The following SERPINB12 variants were observed in gnomAD, a reference collection of about 807,000 sequenced individuals.
The protein encoded by SERPINB12 is serpin B12.
Under a neutral mutation model 41.1 loss-of-function variants are expected in SERPINB12, and 57 were observed. That is an observed-to-expected ratio of 1.39 (90% CI 1.12 to 1.73). SERPINB12 has a LOEUF of 1.73. Among genes scored for constraint, SERPINB12 ranks in the 40% most tolerant of loss-of-function variants. The pLI, the probability that SERPINB12 is intolerant of heterozygous loss-of-function variation, is 0.00. For synonymous variants in SERPINB12, 180 were observed against 181.3 expected, an observed-to-expected ratio of 0.99 and a Z score of 0.06; for missense variants, 536 against 501.9, an observed-to-expected ratio of 1.07 and a Z score of -0.65.
At chr18:63,532,735 G>C in the SERPINB12 span, among the ~76,000 whole-genome samples, 1 of 152,020 alleles carries the variant, frequency 6.6e-6, no homozygotes, top group Non-Finnish European at 1.5e-5. Context: ...AACCTCTCAG[G>C]GTGTGTCCAC....
the SERPINB12 span, among the ~76,000 whole-genome samples, chr18:63,532,346 A>T: frequency 6.6e-6 from 1 of 152,232 alleles, no homozygotes; most frequent in Admixed American, 6.5e-5. Context: ...CATCTAGAGA[A>T]GGCCACGTAG....
chr18:63,525,794 G>A, the SERPINB12 span, among the ~76,000 whole-genome samples: 1 of 152,060 alleles, frequency 6.6e-6, no homozygotes, highest in Non-Finnish European at 1.5e-5. Flanking sequence ...TGATTTTATA[G>A]CCTGTAAATA....
At chr18:63,544,589 C>T (rs1260516277) in intron 1 of SERPINB12, among the ~76,000 whole-genome samples, 34 of 152,104 alleles carry the variant, frequency 2.2e-4, no homozygotes, top group Non-Finnish European at 4.4e-5. Flanking sequence ...CATAGCTTTG[C>T]CTGTCTTTGA....
At position 63,568,896 on chromosome 18, in the gene SERPINB12, G is replaced by C. The variant is rs558599066; in HGVS notation, c.*1885G>C. Among the ~76,000 whole-genome samples the C allele has an allele frequency of 1.8e-4, 27 of 152,246 alleles. No individual in the cohort carries two copies. Among genetic ancestry groups the C allele is most frequent in the African/African-American group, 6.3e-4 (26 of 41,538 alleles). On this transcript the variant is annotated 3_prime_UTR_variant, in exon 8 of 8. Coordinates refer to ENST00000382768, the MANE Select transcript of SERPINB12 (RefSeq NM_001307928.2). ...TTACGACCTAAAACAATTTGACGTT[G>C]GTAACGTGAGGCAGTTTGAGGCAGT...
rs181631827 is a variant in SERPINB12 at position 63,551,071 on chromosome 18, T to C, written c.-18-5071T>C. 6.4e-3 allele frequency among the ~76,000 whole-genome samples: 973 copies of C among 151,998 alleles called. 10 individuals carry two copies. The highest frequency in any genetic ancestry group is 0.022 in the African/African-American group (932 of 41,486). On this transcript the variant is annotated intron_variant, in intron 1 of 7. Transcript: ENST00000382768. ...GATCACGAGGTCAGGAGATCGAGAC[T>C]ATCCTGCCTAACACGGTGAAACCCT... is the stretch of plus-strand genomic sequence containing the variant.
chr18:63,548,164 A>T (rs1910432811), intron 1 of SERPINB12, among the ~76,000 whole-genome samples: 1 of 152,156 alleles, frequency 6.6e-6, no homozygotes, highest in Non-Finnish European at 1.5e-5. Context: ...GAGAGGTTGG[A>T]GGAAAGTGGA....
Position 63,565,332 on chromosome 18 carries a change from C to T in SERPINB12, c.706-113C>T, listed in dbSNP as rs1599429133. 1.2e-5 allele frequency: 12 copies of T among 971,816 alleles called. No homozygotes were observed. The South Asian group carries it at 1.4e-4, about 11-fold the overall frequency. The allele number at this position is 971,816 out of a possible 1,614,324, so 60.2% of individuals were successfully genotyped here. ...GGATCCCTGGTGTGGCTCAGGACTT[C>T]TCCTGCAGAACCTTCTCATCTTTAG... On this transcript the variant is annotated intron_variant, in intron 6 of 7. Transcript: ENST00000382768.
At chr18:63,559,795 A>T in intron 4 of SERPINB12, 77 bp downstream of exon 4, 1 of 1,451,996 alleles carries the variant, frequency 6.9e-7, no homozygotes, top group Non-Finnish European at 9.5e-7. Flanking sequence ...TGGGTTACTC[A>T]CCTGCCATCT....
rs1911216261 is a variant in SERPINB12 at position 63,569,177 on chromosome 18, G to A, written c.*2166G>A. 6.6e-6 allele frequency among the ~76,000 whole-genome samples: 1 copy of A among 151,924 alleles called. No homozygotes were observed. The highest frequency in any genetic ancestry group is 1.5e-5 in the Non-Finnish European group (1 of 67,994). ...ACATCGGGATTTCTCAGATTTTGAA[G>A]CATGAGAGGGAGAATGTATCTATTT... On this transcript the variant is annotated 3_prime_UTR_variant, in exon 8 of 8. Coordinates refer to ENST00000382768, the MANE Select transcript of SERPINB12 (RefSeq NM_001307928.2).
chr18:63,526,568 T>A, the SERPINB12 span, among the ~76,000 whole-genome samples: 1 of 152,248 alleles, frequency 6.6e-6, no homozygotes, highest in African/African-American at 2.4e-5. Flanking sequence ...ATCCAAATTG[T>A]GTTTCTGACA....
At chr18:63,555,863 G>A (rs185073493) in intron 1 of SERPINB12, among the ~76,000 whole-genome samples, 12 of 152,268 alleles carry the variant, frequency 7.9e-5, no homozygotes, top group Admixed American at 7.9e-4. Context: ...AGAACCATGG[G>A]AGAATAAACT....
intron 7 of SERPINB12, among the ~76,000 whole-genome samples, chr18:63,566,222 T>C (rs779188604): frequency 1.1e-3 from 162 of 152,382 alleles, no homozygotes; most frequent in Non-Finnish European, 1.7e-3. Flanking sequence ...GTGCTATCAC[T>C]GTGTTAAGTT....
At chr18:63,564,409 G>T (rs895922103) in intron 6 of SERPINB12, among the ~76,000 whole-genome samples, 1 of 152,320 alleles carries the variant, frequency 6.6e-6, no homozygotes, top group African/African-American at 2.4e-5. Context: ...GGCTAAGTTA[G>T]CTGGATTCAT....
intron 1 of SERPINB12, among the ~76,000 whole-genome samples, chr18:63,548,777 ATTTTT>A (rs151228711): frequency 0.024 from 3,693 of 152,060 alleles, 153 homozygotes; most frequent in African/African-American, 0.084. Flanking sequence ...TTTTCTTTTT[ATTTTT>A]TAAGTTATTA....
At chr18:63,520,469 T>G in the SERPINB12 span, among the ~76,000 whole-genome samples, 1 of 152,206 alleles carries the variant, frequency 6.6e-6, no homozygotes, top group Non-Finnish European at 1.5e-5. Context: ...AGATGCATGG[T>G]GGGGAGAGGC....
At chr18:63,539,863 G>T (rs921361635), upstream of SERPINB12, among the ~76,000 whole-genome samples, 1 of 152,066 alleles carries the variant, frequency 6.6e-6, no homozygotes, top group Non-Finnish European at 1.5e-5. Flanking sequence ...AGTTTTTGAG[G>T]GTGGTCTTCT....
chr18:63,534,037 C>A, the SERPINB12 span, among the ~76,000 whole-genome samples: 2 of 152,176 alleles, frequency 1.3e-5, no homozygotes, highest in Non-Finnish European at 2.9e-5. Context: ...TTTGAAATCA[C>A]AATGACACAT....
At chr18:63,560,770 C>T (rs1205279423) in intron 4 of SERPINB12, among the ~76,000 whole-genome samples, 1 of 152,080 alleles carries the variant, frequency 6.6e-6, no homozygotes, top group Non-Finnish European at 1.5e-5. Flanking sequence ...TCTCAAGTTA[C>T]TTGATACTTA....
chr18:63,519,705 C>T, the SERPINB12 span, among the ~76,000 whole-genome samples: 3 of 152,078 alleles, frequency 2.0e-5, no homozygotes, highest in Non-Finnish European at 4.4e-5. Context: ...GGTAACTTTG[C>T]CATGTGTTTC....
Sources: gnomAD v4.1 joint callset for allele counts (sites outside exome capture counted in the v4.1 genomes callset) on GRCh38, gnomAD v4.1.1 for gene constraint, MANE v1.5 for transcripts, NCBI Gene and HGNC (gene_info 2026-07-23, HGNC 2026-07-21) for gene names.